The following ERBB4 variants were observed in gnomAD, a reference collection of about 807,000 sequenced individuals.
The protein encoded by ERBB4 is erb-b2 receptor tyrosine kinase 4.
A neutral mutation model predicts 158.0 loss-of-function variants in ERBB4; 42 were observed. The ratio of observed to expected loss-of-function variants is 0.27; its 90% confidence interval spans 0.21 to 0.34. The LOEUF (loss-of-function observed/expected upper bound fraction) is 0.34, where lower values mean the gene tolerates loss of function less well. Among genes scored for constraint, ERBB4 ranks in the 10% least tolerant of loss-of-function variants. ERBB4 has a pLI of 1.00. For missense variants in ERBB4, 1,333 were observed against 1,624.1 expected (o/e 0.82, Z 3.08); for synonymous variants, 583 against 558.7 (o/e 1.04, Z -0.61).
At chr2:211,765,238 C>A (rs961884324) in intron 4 of ERBB4, among the ~76,000 whole-genome samples, 17 of 152,084 alleles carry the variant, frequency 1.1e-4, no homozygotes, top group Admixed American at 1.3e-4. Flanking sequence ...AGCTCAGACA[C>A]TAGGCTACCT....
At chr2:212,082,257 T>A (rs1038174896) in intron 2 of ERBB4, among the ~76,000 whole-genome samples, 2 of 152,102 alleles carry the variant, frequency 1.3e-5, no homozygotes, top group African/African-American at 4.8e-5. Context: ...TATAAATTGT[T>A]AAATATTTAT....
intron 16 of ERBB4, among the ~76,000 whole-genome samples, chr2:211,656,842 A>G (rs925329169): frequency 6.6e-6 from 1 of 152,208 alleles, no homozygotes; most frequent in African/African-American, 2.4e-5. Flanking sequence ...TAGTGTTACA[A>G]TATATAGATA....
At chr2:212,044,476 C>T (rs565576010) in intron 2 of ERBB4, among the ~76,000 whole-genome samples, 1 of 152,192 alleles carries the variant, frequency 6.6e-6, no homozygotes, top group Admixed American at 6.6e-5. Flanking sequence ...GATTTCGTAT[C>T]AGAGTTACTG....
chr2:211,739,498 T>C (rs1341616905), intron 5 of ERBB4, among the ~76,000 whole-genome samples: 1 of 152,194 alleles, frequency 6.6e-6, no homozygotes, highest in Non-Finnish European at 1.5e-5. Context: ...AGAGTCTCGC[T>C]CTGTCACCAG....
At chr2:211,522,731 C>T (rs939656363) in intron 20 of ERBB4, among the ~76,000 whole-genome samples, 2 of 152,110 alleles carry the variant, frequency 1.3e-5, no homozygotes, top group African/African-American at 4.8e-5. Context: ...GATTCTGACT[C>T]ACTAAAGGCT....
At chr2:211,907,584 C>G (rs1355388710) in intron 3 of ERBB4, among the ~76,000 whole-genome samples, 2 of 151,662 alleles carry the variant, frequency 1.3e-5, no homozygotes, top group Non-Finnish European at 2.9e-5. Flanking sequence ...AGGCCAGACT[C>G]TTTTTTTCTT....
At chr2:211,931,987 A>C (rs561438596) in intron 3 of ERBB4, among the ~76,000 whole-genome samples, 2 of 152,086 alleles carry the variant, frequency 1.3e-5, no homozygotes, top group South Asian at 2.1e-4. Context: ...GAGGCACAGC[A>C]CATAAGTGAT....
At chr2:212,232,061 A>G (rs2083682810) in intron 1 of ERBB4, among the ~76,000 whole-genome samples, 2 of 152,138 alleles carry the variant, frequency 1.3e-5, no homozygotes, top group Admixed American at 1.3e-4. Context: ...GTGACAGTGA[A>G]GAAATTAATT....
intron 2 of ERBB4, among the ~76,000 whole-genome samples, chr2:212,066,203 C>CTT (rs1216068253): frequency 1.3e-5 from 2 of 151,954 alleles, no homozygotes; most frequent in Admixed American, 6.6e-5. Flanking sequence ...CTGGCTCTAA[C>CTT]TTGTGTCCTA....
At chr2:212,508,622 C>T (rs917295104) in intron 1 of ERBB4, among the ~76,000 whole-genome samples, 19 of 151,954 alleles carry the variant, frequency 1.3e-4, no homozygotes, top group African/African-American at 4.1e-4. Flanking sequence ...ACAAGCCTAC[C>T]TTAAATTTAA....
intron 1 of ERBB4, among the ~76,000 whole-genome samples, chr2:212,238,711 T>C (rs1033768012): frequency 6.6e-6 from 1 of 152,070 alleles, no homozygotes; most frequent in Non-Finnish European, 1.5e-5. Context: ...TAATAAGAAA[T>C]AAAAAGATTT....
At position 212,403,327 on chromosome 2, in the gene ERBB4, C is replaced by T. The variant is rs114742245; in HGVS notation, c.82+135122G>A. ...GATTTAAAAGCAAATGCAGCTACTA[C>T]GAAAAGCAGTATAAGGTTCTTCAAA... On this transcript the variant is annotated intron_variant, in intron 1 of 27. Transcript: ENST00000342788. 9.9e-3 allele frequency among the ~76,000 whole-genome samples: 1,505 copies of T among 152,046 alleles called. 24 individuals are homozygous for T. Among genetic ancestry groups the T allele is most frequent in the African/African-American group, 0.035 (1,436 of 41,506 alleles).
intron 3 of ERBB4, among the ~76,000 whole-genome samples, chr2:211,942,226 T>G (rs1439483961): frequency 6.6e-6 from 1 of 152,174 alleles, no homozygotes; most frequent in Non-Finnish European, 1.5e-5. Context: ...CTACTTAAAT[T>G]AATAACTTAT....
intron 13 of ERBB4, among the ~76,000 whole-genome samples, chr2:211,675,082 G>T (rs2072005889): frequency 6.6e-6 from 1 of 151,964 alleles, no homozygotes; most frequent in African/African-American, 2.4e-5. Context: ...GCCCTTTATT[G>T]TGACTTTCTC....
intron 4 of ERBB4, among the ~76,000 whole-genome samples, chr2:211,774,247 A>G (rs1289868572): frequency 4.0e-5 from 6 of 151,674 alleles, no homozygotes; most frequent in African/African-American, 9.7e-5. Flanking sequence ...TAATTTTCGT[A>G]TTTTTGTAGA....
At chr2:211,950,477 T>C (rs2080844188) in intron 2 of ERBB4, among the ~76,000 whole-genome samples, 1 of 152,160 alleles carries the variant, frequency 6.6e-6, no homozygotes. Context: ...GATATATCTG[T>C]CAAAATGGGA....
chr2:211,414,545 A>G lies in ERBB4; in HGVS notation c.3135+5896T>C, dbSNP rs2063341722. On this transcript the variant is annotated intron_variant, in intron 25 of 27. Coordinates refer to ENST00000342788, the MANE Select transcript of ERBB4 (RefSeq NM_005235.3). ...AAAAGAAAAGAAAAGAAGAAAAGAA[A>G]GAAAATACAATTTTAATGCATGAGA... Among the ~76,000 whole-genome samples, 3 of 151,824 alleles carry G rather than the reference A, an allele frequency of 2.0e-5. No homozygotes were observed. The South Asian group carries it at 6.2e-4, about 31-fold the overall frequency.
At chr2:211,584,212 A>G (rs1390507902) in intron 19 of ERBB4, among the ~76,000 whole-genome samples, 1 of 151,834 alleles carries the variant, frequency 6.6e-6, no homozygotes, top group Non-Finnish European at 1.5e-5. Flanking sequence ...TGTTAAATCC[A>G]CAATAGGTTT....
chr2:211,856,450 A>G (rs1406216785), intron 3 of ERBB4, among the ~76,000 whole-genome samples: 1 of 151,570 alleles, frequency 6.6e-6, no homozygotes, highest in East Asian at 1.9e-4. Context: ...CAGTGGCACA[A>G]TCTCGGCTCA....
Sources: allele counts gnomAD v4.1 joint callset (sites outside exome capture counted in the v4.1 genomes callset), GRCh38; gene constraint gnomAD v4.1.1; transcripts MANE v1.5; gene names NCBI Gene and HGNC (gene_info 2026-07-23, HGNC 2026-07-21).